The following PDZRN3 variants were observed in gnomAD, a reference collection of about 807,000 sequenced individuals.
PDZRN3 encodes the protein PDZ domain containing ring finger 3.
Under a neutral mutation model 85.7 loss-of-function variants are expected in PDZRN3, and 38 were observed. The observed-to-expected ratio is 0.44, with a 90% CI of 0.34 to 0.58. The LOEUF (loss-of-function observed/expected upper bound fraction) is 0.58, where lower values mean the gene tolerates loss of function less well. PDZRN3 is among the 20% of genes least tolerant of loss of function. The pLI, the probability that PDZRN3 is intolerant of heterozygous loss-of-function variation, is 0.01. For synonymous variants in PDZRN3, 759 were observed against 638.0 expected (o/e 1.19, Z -2.86); for missense variants, 1,629 against 1,506.4 (o/e 1.08, Z -1.35).
In PDZRN3 at chr3:73,400,999, C is replaced by T. The variant is rs780712940; in HGVS notation, c.1177G>A (p.Ala393Thr). 4 of 1,611,786 alleles carry T rather than the reference C, an allele frequency of 2.5e-6. No homozygotes were observed. The East Asian group carries it at 8.9e-5, about 36-fold the overall frequency. ...TCATTTGGATCGTAGTATTCATGGG[C>T]TGAGGGATGCCTGAAAAGAGATGCA... ...PYLLPEEHPS[A>T]HEYYDPNDYI... Residue 393 changes from alanine (A) to threonine (T), a missense_variant, in exon 5 of 10, where the codon GCC (alanine) becomes ACC (threonine). Transcript: ENST00000263666.
chr3:73,434,021 T>C, intron 3 of PDZRN3: 1 of 1,021,072 alleles, frequency 9.8e-7, no homozygotes, highest in Non-Finnish European at 1.2e-6. Flanking sequence ...GCACACGCTA[T>C]ATATACTGCT....
chr3:73,531,272 AAG>A (rs1704648749), intron 3 of PDZRN3, among the ~76,000 whole-genome samples: 1 of 151,346 alleles, frequency 6.6e-6, no homozygotes, highest in Non-Finnish European at 1.5e-5. Flanking sequence ...AAAAAAAAAA[AAG>A]GAGTGCTAAC....
At chr3:73,540,886 A>T (rs1704904993) in intron 3 of PDZRN3, among the ~76,000 whole-genome samples, 1 of 152,200 alleles carries the variant, frequency 6.6e-6, no homozygotes, top group Non-Finnish European at 1.5e-5. Context: ...AAACACTTAC[A>T]TTTATTAATA....
At chr3:73,463,973 CTTT>C (rs150180266) in intron 3 of PDZRN3, among the ~76,000 whole-genome samples, 1 of 151,966 alleles carries the variant, frequency 6.6e-6, no homozygotes, top group East Asian at 1.9e-4. Context: ...GCTATGTATT[CTTT>C]TTTATTTTTT....
chr3:73,396,004 C>G (rs1701627738), intron 5 of PDZRN3, among the ~76,000 whole-genome samples: 1 of 152,164 alleles, frequency 6.6e-6, no homozygotes, highest in Admixed American at 6.5e-5. Flanking sequence ...AGACAGATCA[C>G]TTGAGGTCAG....
Position 73,446,988 on chromosome 3 carries a change from C to T in PDZRN3, c.919-42593G>A, listed in dbSNP as rs1437089999. Among the ~76,000 whole-genome samples the T allele has an allele frequency of 1.5e-4, 22 of 150,270 alleles. No homozygotes were observed. In the Admixed American group the frequency reaches 1.5e-3, roughly 10 times the overall value. On this transcript the variant is annotated intron_variant, in intron 3 of 9. Transcript: ENST00000263666. ...GACAATGATATGGAAGGATTCCTGA[C>T]TAATTCGGATGGACGTGAGCTGAAC...
chr3:73,395,655 A>C lies in PDZRN3; in HGVS notation c.1255-4539T>G, dbSNP rs564929018. Among the ~76,000 whole-genome samples, 4 of 152,360 alleles carry C rather than the reference A, an allele frequency of 2.6e-5. No individual in the cohort carries two copies. The East Asian group carries it at 7.7e-4, about 29-fold the overall frequency. ...GCATAACTCTTCAACTTACTGGTCC[A>C]GGTTGCTGTGCACATTTAAGTTATC... On this transcript the variant is annotated intron_variant, in intron 5 of 9. Coordinates refer to ENST00000263666, the MANE Select transcript of PDZRN3 (RefSeq NM_015009.3).
chr3:73,614,602 T>C (rs1033833561), intron 1 of PDZRN3, among the ~76,000 whole-genome samples: 3 of 152,302 alleles, frequency 2.0e-5, no homozygotes, highest in Non-Finnish European at 2.9e-5. Flanking sequence ...CCTCAGATTA[T>C]GCAAAGTTCA....
chr3:73,433,652 T>C lies in PDZRN3; in HGVS notation c.919-29257A>G, dbSNP rs867914647. ...GCAGGGTGTTACCTGACAAACTTCA[T>C]AGAGTAATTTGTACTGCTCCTCTTG... On this transcript the variant is annotated intron_variant, in intron 3 of 9. Coordinates refer to ENST00000263666, the MANE Select transcript of PDZRN3 (RefSeq NM_015009.3). 6 of 1,533,654 alleles carry C rather than the reference T, an allele frequency of 3.9e-6. No homozygotes were observed. In the Admixed American group the frequency reaches 5.9e-5, roughly 15 times the overall value.
At chr3:73,572,417 C>T (rs963061600) in intron 3 of PDZRN3, among the ~76,000 whole-genome samples, 1 of 152,182 alleles carries the variant, frequency 6.6e-6, no homozygotes, top group Admixed American at 6.5e-5. Flanking sequence ...AGTCCTGGAT[C>T]GATTCATCAC....
chr3:73,554,714 C>G (rs1701650222), intron 3 of PDZRN3, among the ~76,000 whole-genome samples: 1 of 152,334 alleles, frequency 6.6e-6, no homozygotes, highest in Non-Finnish European at 1.5e-5. Flanking sequence ...CATCCACACT[C>G]ACTGGCAGTG....
At position 73,389,843 on chromosome 3, in the gene PDZRN3, G is replaced by A; in HGVS notation, c.1389C>T (p.Arg463=). The A allele has an allele frequency of 6.2e-7, 1 of 1,613,798 alleles. No homozygotes were observed. Among genetic ancestry groups the A allele is most frequent in the Non-Finnish European group, 8.5e-7 (1 of 1,179,698 alleles). ...DPNSIAAKDG[R]IREGDRIIQI... is the part of the protein sequence containing the mutation. The stretch of plus-strand genomic sequence containing the variant: ...GGATAATGCGGTCTCCTTCTCGGAT[G>A]CGCCCATCCTTGGCTGCAATGCTGT... Residue 463 remains arginine, a synonymous_variant, in exon 7 of 10, where the codon CGC becomes CGT. Coordinates refer to ENST00000263666, the MANE Select transcript of PDZRN3 (RefSeq NM_015009.3).
intron 3 of PDZRN3, among the ~76,000 whole-genome samples, chr3:73,488,966 G>A (rs1703717278): frequency 6.6e-6 from 1 of 152,218 alleles, no homozygotes; most frequent in African/African-American, 2.4e-5. Context: ...GGGCATGACA[G>A]TGCCACAGTG....
chr3:73,573,810 C>CATATA (rs1559744493), intron 3 of PDZRN3, among the ~76,000 whole-genome samples: 54 of 112,358 alleles, frequency 4.8e-4, no homozygotes, highest in African/African-American at 2.0e-3. Context: ...TACACATACA[C>CATATA]CTATACATAT....
intron 3 of PDZRN3, among the ~76,000 whole-genome samples, chr3:73,589,436 G>C (rs1178174027): frequency 2.0e-5 from 3 of 152,096 alleles, no homozygotes; most frequent in Admixed American, 2.0e-4. Flanking sequence ...AACTAAAGGA[G>C]AAAAGAAAAA....
At chr3:73,405,783 G>A (rs2106732887) in intron 3 of PDZRN3, among the ~76,000 whole-genome samples, 1 of 152,274 alleles carries the variant, frequency 6.6e-6, no homozygotes, top group African/African-American at 2.4e-5. Context: ...TCCTCCCTTA[G>A]TATCTTGGAC....
chr3:73,385,010 T>C (rs879158400), intron 9 of PDZRN3, 80 bp from the exon 10 acceptor site: 2 of 1,488,874 alleles, frequency 1.3e-6, no homozygotes, highest in South Asian at 2.7e-5. Flanking sequence ...TCCTTGCGGT[T>C]TCTGGATAGG....
At chr3:73,600,302 G>C (rs948486896) in intron 3 of PDZRN3, among the ~76,000 whole-genome samples, 1 of 110,222 alleles carries the variant, frequency 9.1e-6, no homozygotes, top group Non-Finnish European at 1.8e-5. Context: ...TCTTAGTAAT[G>C]AAACACACAC....
intron 3 of PDZRN3, among the ~76,000 whole-genome samples, chr3:73,576,505 T>TA (rs974629754): frequency 5.9e-5 from 9 of 151,998 alleles, no homozygotes; most frequent in Admixed American, 1.3e-4. Flanking sequence ...TCTTTCTGTA[T>TA]AAAAAAAATC....
Sources: gnomAD v4.1 joint callset for allele counts (sites outside exome capture counted in the v4.1 genomes callset) on GRCh38, gnomAD v4.1.1 for gene constraint, MANE v1.5 for transcripts, NCBI Gene and HGNC (gene_info 2026-07-23, HGNC 2026-07-21) for gene names.